The following DOCK3 variants were observed in gnomAD, a reference collection of about 807,000 sequenced individuals.
DOCK3 encodes the protein dedicator of cytokinesis protein 3.
Under a neutral mutation model 265.6 loss-of-function variants are expected in DOCK3, and 60 were observed. That is an observed-to-expected ratio of 0.23 (90% CI 0.18 to 0.28). DOCK3 has a LOEUF of 0.28. Among genes scored for constraint, DOCK3 ranks in the 10% least tolerant of loss-of-function variants. DOCK3 has a pLI of 1.00. For synonymous variants in DOCK3, 881 were observed against 938.0 expected (o/e 0.94, Z 1.11); for missense variants, 1,981 against 2,594.3 (o/e 0.76, Z 5.14).
At chr3:50,742,651 G>C (rs1160667995) in intron 1 of DOCK3, among the ~76,000 whole-genome samples, 2 of 151,494 alleles carry the variant, frequency 1.3e-5, no homozygotes, top group Admixed American at 1.3e-4. Flanking sequence ...AGAGAAAAAA[G>C]AATAAAAAGA....
chr3:51,050,959 TA>T (rs2080972524), intron 5 of DOCK3, among the ~76,000 whole-genome samples: 1 of 152,248 alleles, frequency 6.6e-6, no homozygotes, highest in African/African-American at 2.4e-5. Context: ...TAATTTTTAT[TA>T]AATTTTTAGC....
chr3:50,901,590 C>G, intron 4 of DOCK3: 1 of 451,490 alleles, frequency 2.2e-6, no homozygotes, highest in Non-Finnish European at 4.4e-6. Flanking sequence ...AAACCCAGGT[C>G]CCTGGTGGTG....
At chr3:51,132,250 C>T (rs1167297508) in intron 9 of DOCK3, among the ~76,000 whole-genome samples, 4 of 152,136 alleles carry the variant, frequency 2.6e-5, no homozygotes, top group African/African-American at 4.8e-5. Flanking sequence ...GTGTTTCTTC[C>T]ACCATTGTCC....
At chr3:50,702,512 C>T (rs1159033354) in intron 1 of DOCK3, among the ~76,000 whole-genome samples, 1 of 151,986 alleles carries the variant, frequency 6.6e-6, no homozygotes, top group Admixed American at 6.6e-5. Flanking sequence ...TATAGGTGTA[C>T]ATCACCACAC....
At chr3:50,844,972 C>T (rs1248134260) in intron 3 of DOCK3, among the ~76,000 whole-genome samples, 1 of 152,142 alleles carries the variant, frequency 6.6e-6, no homozygotes, top group African/African-American at 2.4e-5. Flanking sequence ...CCTATAATCC[C>T]AGCACTTTGG....
intron 4 of DOCK3, among the ~76,000 whole-genome samples, chr3:50,928,578 T>C (rs2050895234): frequency 6.6e-6 from 1 of 152,240 alleles, no homozygotes; most frequent in African/African-American, 2.4e-5. Flanking sequence ...TTAATAGTTT[T>C]CGTTTGCAAG....
chr3:50,888,864 G>C (rs559152717), intron 3 of DOCK3, among the ~76,000 whole-genome samples: 1 of 152,124 alleles, frequency 6.6e-6, no homozygotes, highest in Non-Finnish European at 1.5e-5. Flanking sequence ...ATTAATTCAA[G>C]ATGGATTAAA....
intron 9 of DOCK3, among the ~76,000 whole-genome samples, chr3:51,124,105 C>G (rs1185691371): frequency 6.6e-6 from 1 of 152,166 alleles, no homozygotes; most frequent in Non-Finnish European, 1.5e-5. Context: ...AGTGCCATTC[C>G]TAGATCTGGC....
chr3:51,023,401 G>GT (rs1453517945), intron 5 of DOCK3, among the ~76,000 whole-genome samples: 56 of 152,004 alleles, frequency 3.7e-4, no homozygotes, highest in Non-Finnish European at 7.4e-5. Flanking sequence ...TGTTCTGATT[G>GT]TTTTTTGTTG....
intron 27 of DOCK3, among the ~76,000 whole-genome samples, chr3:51,284,265 A>C (rs2081292521): frequency 6.6e-6 from 1 of 152,106 alleles, no homozygotes; most frequent in African/African-American, 2.4e-5. Flanking sequence ...TTGCAGTTTT[A>C]TGTGAGCACA....
At chr3:51,353,154 G>A (rs566198149) in intron 40 of DOCK3, among the ~76,000 whole-genome samples, 1 of 152,332 alleles carries the variant, frequency 6.6e-6, no homozygotes, top group South Asian at 2.1e-4. Context: ...TTCTTCACAA[G>A]TACTTTCTTT....
intron 6 of DOCK3, among the ~76,000 whole-genome samples, chr3:51,068,321 A>G (rs567452062): frequency 6.6e-6 from 1 of 152,040 alleles, no homozygotes; most frequent in East Asian, 1.9e-4. Flanking sequence ...CGGGCAGATC[A>G]CGAGGTCAAG....
intron 26 of DOCK3, chr3:51,278,616 AT>A: frequency 8.8e-5 from 1 of 11,412 alleles, no homozygotes; most frequent in Non-Finnish European, 1.7e-4. Flanking sequence ...AGTAAAAAAC[AT>A]ATATATATAT....
At chr3:51,367,376 A>C (rs1327741725) in intron 49 of DOCK3, among the ~76,000 whole-genome samples, 1 of 151,946 alleles carries the variant, frequency 6.6e-6, no homozygotes, top group Non-Finnish European at 1.5e-5. Context: ...TTTTGAGCCT[A>C]TGTGTGTTTC....
At chr3:51,281,542 C>T (rs2081117835) in intron 27 of DOCK3, among the ~76,000 whole-genome samples, 2 of 152,126 alleles carry the variant, frequency 1.3e-5, no homozygotes, top group African/African-American at 4.8e-5. Flanking sequence ...CTTCTTCCAG[C>T]TTGCCTTATG....
intron 4 of DOCK3, among the ~76,000 whole-genome samples, chr3:50,908,264 T>C (rs1340976669): frequency 2.0e-5 from 3 of 150,814 alleles, no homozygotes; most frequent in Non-Finnish European, 4.4e-5. Flanking sequence ...TGCTTTCTAC[T>C]AGCTTTGTGG....
chr3:50,953,680 A>G (rs768351989), intron 5 of DOCK3, among the ~76,000 whole-genome samples: 1 of 152,132 alleles, frequency 6.6e-6, no homozygotes, highest in Non-Finnish European at 1.5e-5. Context: ...AAAATGTGTT[A>G]ACGTTCGTCT....
At chr3:51,120,021 G>A (rs1335907349) in intron 9 of DOCK3, among the ~76,000 whole-genome samples, 1 of 151,984 alleles carries the variant, frequency 6.6e-6, no homozygotes, top group East Asian at 1.9e-4. Flanking sequence ...AAGGAGTTGT[G>A]ATCCTTTGGA....
chr3:50,775,597 CTTA>C (rs1186344410), intron 1 of DOCK3, among the ~76,000 whole-genome samples: 1 of 151,788 alleles, frequency 6.6e-6, no homozygotes, highest in Admixed American at 6.6e-5. Context: ...GGCGTTTCTT[CTTA>C]TTTTTTTCAA....
Sources: gnomAD v4.1 joint callset for allele counts (sites outside exome capture counted in the v4.1 genomes callset) on GRCh38, gnomAD v4.1.1 for gene constraint, MANE v1.5 for transcripts, NCBI Gene and HGNC (gene_info 2026-07-23, HGNC 2026-07-21) for gene names.